CIAPIN1: variants seen among roughly 807,000 people sequenced by gnomAD.
CIAPIN1 encodes anamorsin.
In CIAPIN1, 18 loss-of-function variants were observed where a neutral mutation model predicts 34.3. The ratio of observed to expected loss-of-function variants is 0.52; its 90% CI spans 0.36 to 0.78. The LOEUF is 0.78. Among genes scored for constraint, CIAPIN1 ranks in the 30% least tolerant of loss-of-function variants. The pLI, the probability that CIAPIN1 is intolerant of heterozygous loss-of-function variation, is 0.00. For missense variants in CIAPIN1, 310 were observed against 372.5 expected (o/e 0.83, Z 1.38); for synonymous variants, 131 against 140.4 (o/e 0.93, Z 0.47).
intron 2 of CIAPIN1, 23 bp downstream of exon 2, chr16:57,440,749 A>T (rs1450526339): frequency 1.0e-5 from 16 of 1,594,588 alleles, no homozygotes; most frequent in Non-Finnish European, 1.4e-5. Context: ...AGCCTCATAA[A>T]GACAACGTGG....
chr16:57,445,696 A>T (rs2030023915), intron 1 of CIAPIN1, among the ~76,000 whole-genome samples: 1 of 152,076 alleles, frequency 6.6e-6, no homozygotes, highest in Admixed American at 6.6e-5. Context: ...AATGGTAGGA[A>T]GGCACAATTA....
At position 57,429,268 on chromosome 16, in the gene CIAPIN1, C is replaced by T. The variant is rs745916329; in HGVS notation, c.841G>A (p.Asp281Asn). ...KSACGNCYLG[D>N]AFRCASCPYL... is the part of the protein sequence containing the mutation. ...GGGCAGCTGGCACAGCGGAAGGCAT[C>T]GCCCAGGTAGCACTGGAGAGAGAGA... is the stretch of plus-strand genomic sequence containing the variant. Residue 281 changes from aspartate to asparagine, a missense_variant, in exon 9 of 9, where the codon GAT (aspartate) becomes AAT (asparagine). Physicochemically the swap from Asp to Asn is conservative, Grantham distance 23 (BLOSUM62 1). Transcript: ENST00000394391. 7.4e-6 allele frequency: 12 copies of T among 1,613,368 alleles called. No homozygotes were observed. The East Asian group carries it at 8.9e-5, about 12-fold the overall frequency.
chr16:57,441,107 A>G (rs531216030), intron 1 of CIAPIN1, 124 bp from the exon 2 acceptor site: 6 of 538,578 alleles, frequency 1.1e-5, no homozygotes, highest in East Asian at 1.0e-4. Context: ...TGTATATGCT[A>G]AAGAGTCTGA....
At chr16:57,433,273 C>T (rs1488323946) in intron 5 of CIAPIN1, among the ~76,000 whole-genome samples, 2 of 152,168 alleles carry the variant, frequency 1.3e-5, no homozygotes, top group African/African-American at 4.8e-5. Flanking sequence ...GGTAAGAGTA[C>T]CCTCTAGTGA....
intron 2 of CIAPIN1, among the ~76,000 whole-genome samples, chr16:57,439,842 G>T (rs373934589): frequency 1.3e-5 from 2 of 152,290 alleles, no homozygotes; most frequent in African/African-American, 4.8e-5. Flanking sequence ...AGAACCCTGT[G>T]ATGATTGCGT....
At chr16:57,444,116 G>C (rs1325056025) in intron 1 of CIAPIN1, among the ~76,000 whole-genome samples, 1 of 152,170 alleles carries the variant, frequency 6.6e-6, no homozygotes, top group African/African-American at 2.4e-5. Context: ...CAAATGTCTA[G>C]ACCTTTTCAG....
At chr16:57,430,623 T>A (rs570593956) in intron 7 of CIAPIN1, 1 of 370,082 alleles carries the variant, frequency 2.7e-6, no homozygotes, top group South Asian at 7.5e-5. Context: ...TTGCCATATT[T>A]TCCAAATTCA....
chr16:57,432,142 C>T (rs553148724), intron 6 of CIAPIN1, among the ~76,000 whole-genome samples: 39 of 152,116 alleles, frequency 2.6e-4, no homozygotes, highest in Non-Finnish European at 3.4e-4. Context: ...GGTGAAACCC[C>T]GTCTCTGCTA....
chr16:57,432,536 G>A lies in CIAPIN1; in HGVS notation c.581C>T (p.Ala194Val), dbSNP rs1316100345. The A allele has an allele frequency of 6.2e-7, 1 of 1,613,026 alleles. No individual in the cohort carries two copies. The change falls in exon 6 of 9, where the codon GCT becomes GTT. Residue 194 changes from alanine to valine, a missense_variant. Transcript: ENST00000394391. ...PSVKPAVDPA[A>V]AKLWTLSAND... ...GGCTGAGAGGGTCCACAGCTTGGCA[G>A]CAGCAGGGTCCACAGCAGGTTTCAC...
chr16:57,438,358 G>C (rs878926722), intron 3 of CIAPIN1, among the ~76,000 whole-genome samples: 2 of 152,072 alleles, frequency 1.3e-5, no homozygotes, highest in African/African-American at 2.4e-5. Context: ...ATCATTCCCA[G>C]GGTTCGGCCA....
At chr16:57,431,474 G>A (rs535717710) in intron 6 of CIAPIN1, 1 of 439,260 alleles carries the variant, frequency 2.3e-6, no homozygotes, top group East Asian at 3.5e-5. Flanking sequence ...AGATGCACTA[G>A]GATGCAAAGG....
Position 57,429,144 on chromosome 16 carries a change from C to A in CIAPIN1, c.*26G>T. 1 of 1,510,150 alleles carries A rather than the reference C, an allele frequency of 6.6e-7. No homozygotes were observed. The highest frequency in any genetic ancestry group is 9.2e-7 in the Non-Finnish European group (1 of 1,087,192). The allele number at this position is 1,510,150 out of a possible 1,614,324, so 93.5% of individuals were successfully genotyped here. A position where few individuals can be genotyped will look rare whatever the true frequency, so the allele number is the denominator to read the frequency against. ...GAGGGACAGGAGTTGGCTGGAGGAG[C>A]AGATGGGTCCCATGTCAGGAACCTC... On this transcript the variant is annotated 3_prime_UTR_variant, in exon 9 of 9. Coordinates refer to ENST00000394391, the MANE Select transcript of CIAPIN1 (RefSeq NM_020313.4).
chr16:57,430,522 G>A, intron 7 of CIAPIN1, 183 bp from the exon 8 acceptor site: 1 of 611,774 alleles, frequency 1.6e-6, no homozygotes, highest in Non-Finnish European at 2.9e-6. Context: ...GTGGGAGGAG[G>A]ATGAGGGAAG....
At chr16:57,432,596 C>T in intron 5 of CIAPIN1, 36 bp from the exon 6 acceptor site, 1 of 1,568,222 alleles carries the variant, frequency 6.4e-7, no homozygotes, top group African/African-American at 1.4e-5. Flanking sequence ...ACTCCATAAA[C>T]ACAGTCAGAA....
rs761064313 is a variant in CIAPIN1 at position 57,434,047 on chromosome 16, AAGG to A, written c.550_552del (p.Pro184del). 1 of 1,613,860 alleles carries A rather than the reference AAGG, an allele frequency of 6.2e-7. No individual in the cohort carries two copies. The highest frequency in any genetic ancestry group is 8.5e-7 in the Non-Finnish European group (1 of 1,179,904). On this transcript the variant is annotated inframe_deletion, in exon 5 of 9. Coordinates refer to ENST00000394391, the MANE Select transcript of CIAPIN1 (RefSeq NM_020313.4). ...AATGTCCCTAGGCCAGCCTTACCTG[AAGG>A]AGAAGACTTCTTGGTGATGGAAAGC...
chr16:57,442,753 C>G (rs1235807320), intron 1 of CIAPIN1, among the ~76,000 whole-genome samples: 1 of 152,172 alleles, frequency 6.6e-6, no homozygotes, highest in African/African-American at 2.4e-5. Flanking sequence ...ATATTTAACA[C>G]TCAAGCATTA....
Position 57,436,664 on chromosome 16 carries a change from C to A in CIAPIN1, c.379G>T (p.Val127Leu), listed in dbSNP as rs779143423. 6.2e-7 allele frequency: 1 copy of A among 1,613,472 alleles called. No individual in the cohort carries two copies. The change falls in exon 4 of 9, where the codon GTG (valine) becomes TTG (leucine). Residue 127 changes from valine (V) to leucine (L), a missense_variant. By Grantham distance (32) the Val-to-Leu change is conservative (BLOSUM62 1). Coordinates refer to ENST00000394391, the MANE Select transcript of CIAPIN1 (RefSeq NM_020313.4). Reference sequence around the variant, plus strand: ...GTTGTCTACAAACGTACCTCTTTCACTTCCACAAGACCAGAAAGAGTCAGG... The same window carrying A: ...GTTGTCTACAAACGTACCTCTTTCAATTCCACAAGACCAGAAAGAGTCAGG... ...SALTLSGLVE[V>L]KELQREPLTP...
rs757109550 is a variant in CIAPIN1, at chr16:57,434,007, CCATT to C, written c.556+33_556+36del. The C allele has an allele frequency of 3.2e-6, 5 of 1,583,060 alleles. No homozygotes were observed. The South Asian group carries it at 3.3e-5, about 11-fold the overall frequency. ...CAATTTCTAACATGTCCCTCTAAGCCCATTCAAACAGAAGAATGTCCCTAGGCCA... is the reference window on the plus strand; with the variant it reads ...CAATTTCTAACATGTCCCTCTAAGCCCAAACAGAAGAATGTCCCTAGGCCA... On this transcript the variant is annotated intron_variant, in intron 5 of 8. Coordinates refer to ENST00000394391, the MANE Select transcript of CIAPIN1 (RefSeq NM_020313.4).
chr16:57,444,985 C>T (rs2029997799), intron 1 of CIAPIN1, among the ~76,000 whole-genome samples: 1 of 152,156 alleles, frequency 6.6e-6, no homozygotes, highest in Non-Finnish European at 1.5e-5. Flanking sequence ...CATGGCCCTT[C>T]TAAAATGTTA....
Sources: gnomAD v4.1 joint callset for allele counts (sites outside exome capture counted in the v4.1 genomes callset) on GRCh38, gnomAD v4.1.1 for gene constraint, MANE v1.5 for transcripts, NCBI Gene and HGNC (gene_info 2026-07-23, HGNC 2026-07-21) for gene names.